KIF1B: variants seen among roughly 807,000 people sequenced by gnomAD.
The protein encoded by KIF1B is kinesin family member 1B.
Under a neutral mutation model 241.9 loss-of-function variants are expected in KIF1B, and 76 were observed. That is an observed-to-expected ratio of 0.31 (90% CI 0.26 to 0.38). The LOEUF is 0.38. Among genes scored for constraint, KIF1B ranks in the 10% least tolerant of loss-of-function variants. KIF1B has a pLI of 1.00. For synonymous variants in KIF1B, 750 were observed against 796.7 expected (o/e 0.94, Z 0.99); for missense variants, 1,622 against 2,271.4 (o/e 0.71, Z 5.81).
At chr1:10,250,382 AG>A (rs1296219928) in intron 2 of KIF1B, among the ~76,000 whole-genome samples, 3 of 147,684 alleles carry the variant, frequency 2.0e-5, no homozygotes, top group Non-Finnish European at 3.0e-5. Flanking sequence ...TCTGTTGCCC[AG>A]GGTGGGGTGC....
chr1:10,264,582 C>G (rs1031490026), intron 5 of KIF1B, among the ~76,000 whole-genome samples: 10 of 152,156 alleles, frequency 6.6e-5, no homozygotes, highest in Non-Finnish European at 5.9e-5. Flanking sequence ...ATCTCACTTT[C>G]TAGGATGACT....
At chr1:10,319,108 T>C (rs1238953074) in intron 22 of KIF1B, among the ~76,000 whole-genome samples, 1 of 145,794 alleles carries the variant, frequency 6.9e-6, no homozygotes, top group Non-Finnish European at 1.5e-5. Context: ...TAATCCTTTT[T>C]TTTTTTTTTT....
chr1:10,294,982 C>A, intron 17 of KIF1B, 104 bp from the exon 18 acceptor site: 1 of 801,792 alleles, frequency 1.2e-6, no homozygotes. Flanking sequence ...CCTCTCTAGG[C>A]TCTGTGGAGA....
In KIF1B at chr1:10,379,998, T is replaced by G. The variant is rs1638981861; in HGVS notation, c.*3411T>G. The G allele has an allele frequency of 4.4e-6, 1 of 229,350 alleles. No homozygotes were observed. Among genetic ancestry groups the G allele is most frequent in the Non-Finnish European group, 8.7e-6 (1 of 115,350 alleles). 14.2% of individuals were successfully genotyped at this position (229,350 alleles called of 1,614,324 possible). A position where few individuals can be genotyped will look rare whatever the true frequency, so the allele number is the denominator to read the frequency against. On this transcript the variant is annotated 3_prime_UTR_variant, in exon 49 of 49. Coordinates refer to ENST00000676179, the MANE Select transcript of KIF1B (RefSeq NM_001365951.3). ...CAACTAAGAAACCACTATTATATAT[T>G]TTTTCCCTTCAGTCACATAGACTTC...
At chr1:10,223,546 G>GTTTTTTTTTTTT (rs113574017) in intron 1 of KIF1B, among the ~76,000 whole-genome samples, 3 of 131,250 alleles carry the variant, frequency 2.3e-5, no homozygotes, top group Non-Finnish European at 4.9e-5. Flanking sequence ...GTTTTGTTTT[G>GTTTTTTTTTTTT]TTTTTTTTTT....
rs567493863 is a variant in KIF1B at position 10,326,261 on chromosome 1, C to T, written c.2826C>T (p.Asp942=). Residue 942 remains aspartate (D), a synonymous_variant, in exon 27 of 49, where the codon GAC becomes GAT. Transcript: ENST00000676179. The surrounding 1 kb of genome is among the most constrained non-coding windows in gnomAD (Gnocchi z 5.2). ...EDFDDEAFVD[D]AGSDAGTEEG... The stretch of plus-strand genomic sequence containing the variant: ...TTGATGATGAGGCATTCGTGGATGA[C>T]GCCGGCTCTGACGCAGGGACGGAGG... 27 of 1,614,146 alleles carry T rather than the reference C, an allele frequency of 1.7e-5. No individual in the cohort carries two copies. Among genetic ancestry groups the T allele is most frequent in the South Asian group, 6.6e-5 (6 of 91,076 alleles).
rs1638970143 is a variant in KIF1B at position 10,379,490 on chromosome 1, C to T, written c.*2903C>T. The T allele has an allele frequency of 4.3e-6, 1 of 231,898 alleles. No homozygotes were observed. Among genetic ancestry groups the T allele is most frequent in the Non-Finnish European group, 8.5e-6 (1 of 117,142 alleles). The allele number at this position is 231,898 out of a possible 1,614,324, so 14.4% of individuals were successfully genotyped here. The stretch of plus-strand genomic sequence containing the variant: ...TGGGTGCTCCCTTGCCCGACAGAAC[C>T]ATCCCCACTGTGAGGCTGTGAGAGA... On this transcript the variant is annotated 3_prime_UTR_variant, in exon 49 of 49. Coordinates refer to ENST00000676179, the MANE Select transcript of KIF1B (RefSeq NM_001365951.3).
intron 13 of KIF1B, 26 bp from the exon 14 acceptor site, chr1:10,279,071 G>T (rs72865963): frequency 2.6e-6 from 4 of 1,533,702 alleles, no homozygotes; most frequent in East Asian, 2.5e-5. Context: ...GACCCTTCTC[G>T]TATTTTCCCT....
intron 9 of KIF1B, 95 bp downstream of exon 9, chr1:10,272,401 G>A (rs1449523803): frequency 1.2e-6 from 1 of 851,450 alleles, no homozygotes; most frequent in African/African-American, 1.7e-5. Flanking sequence ...GTCTTTTTGT[G>A]GCCCTTTTCT....
intron 27 of KIF1B, among the ~76,000 whole-genome samples, chr1:10,330,999 G>C (rs1173715337): frequency 6.6e-6 from 1 of 151,838 alleles, no homozygotes; most frequent in Non-Finnish European, 1.5e-5. Context: ...GGTAGCTCAC[G>C]CCTGTAATCC....
At chr1:10,341,424 C>T (rs916455642) in intron 32 of KIF1B, among the ~76,000 whole-genome samples, 5 of 152,228 alleles carry the variant, frequency 3.3e-5, no homozygotes, top group Non-Finnish European at 2.9e-5. Flanking sequence ...GGCAGGGTTG[C>T]AGCCTGGGCC....
chr1:10,289,135 C>T (rs2102243950), intron 15 of KIF1B, among the ~76,000 whole-genome samples: 1 of 152,266 alleles, frequency 6.6e-6, no homozygotes, highest in African/African-American at 2.4e-5. Flanking sequence ...GCATTTTCAC[C>T]TGTTTTGGCA....
At chr1:10,260,959 A>G (rs1648104452) in intron 4 of KIF1B, among the ~76,000 whole-genome samples, 1 of 148,476 alleles carries the variant, frequency 6.7e-6, no homozygotes. Flanking sequence ...GCTTTTTTGT[A>G]TTTTTTAATT....
chr1:10,357,255 G>C (rs898217010), intron 38 of KIF1B, among the ~76,000 whole-genome samples: 1 of 152,172 alleles, frequency 6.6e-6, no homozygotes, highest in Non-Finnish European at 1.5e-5. Context: ...CTTGAAACCT[G>C]TTTTTCCTCT....
At chr1:10,308,718 T>G (rs1476940513) in intron 22 of KIF1B, 22 of 738,952 alleles carry the variant, frequency 3.0e-5, no homozygotes, top group Middle Eastern at 6.6e-4. Flanking sequence ...CTAAATCTTC[T>G]TTTTGATATT....
At chr1:10,223,249 G>A (rs1023338480) in intron 1 of KIF1B, among the ~76,000 whole-genome samples, 6 of 152,116 alleles carry the variant, frequency 3.9e-5, no homozygotes, top group Admixed American at 1.3e-4. Flanking sequence ...GCAAGACTCT[G>A]TCTCAAAAAC....
chr1:10,293,254 G>A (rs180849749), intron 17 of KIF1B, among the ~76,000 whole-genome samples: 1 of 152,184 alleles, frequency 6.6e-6, no homozygotes, highest in East Asian at 1.9e-4. Context: ...CCTTCAGTAA[G>A]ACATGTATTC....
chr1:10,221,385 A>C (rs115498581), intron 1 of KIF1B, among the ~76,000 whole-genome samples: 4,371 of 152,242 alleles, frequency 0.029, 211 homozygotes, highest in African/African-American at 0.1. Context: ...GGCATGAGCT[A>C]TTGCGCCCGG....
Position 10,374,345 on chromosome 1 carries a change from G to T in KIF1B, c.4976G>T (p.Ser1659Ile). 1 of 1,614,122 alleles carries T rather than the reference G, an allele frequency of 6.2e-7. No homozygotes were observed. Among genetic ancestry groups the T allele is most frequent in the South Asian group, 1.1e-5 (1 of 91,078 alleles). Residue 1659 changes from serine to isoleucine, a missense_variant, in exon 46 of 49, where the codon AGT becomes ATT. Around this residue, in one of 7 missense-constraint regions of KIF1B, gnomAD observed 357 missense variants for 409.0 expected, o/e 0.87. Coordinates refer to ENST00000676179, the MANE Select transcript of KIF1B (RefSeq NM_001365951.3). The surrounding 1 kb of genome is among the most constrained non-coding windows in gnomAD (Gnocchi z 4.3). The stretch of plus-strand genomic sequence containing the variant: ...CCAGAAGCCAATTCCCGGGCCTCTA[G>T]TCCCTGCCCAGAATTTGAACAGTTT... ...KTPEANSRAS[S>I]PCPEFEQFQI... is the part of the protein sequence containing the mutation.
Sources: gnomAD v4.1 joint callset for allele counts (sites outside exome capture counted in the v4.1 genomes callset) on GRCh38, gnomAD v4.1.1 for gene constraint, gnomAD v4.1.1 regional missense constraint, Gnocchi (gnomAD v3.1) non-coding constraint, MANE v1.5 for transcripts, NCBI Gene and HGNC (gene_info 2026-07-23, HGNC 2026-07-21) for gene names.